CCDC158: variants seen among roughly 807,000 people sequenced by gnomAD.
CCDC158 encodes coiled-coil domain containing 158, also known as coiled-coil domain-containing protein 158.
In CCDC158, 116 loss-of-function variants were observed where a neutral mutation model predicts 138.6. The observed-to-expected ratio is 0.84, with a 90% CI of 0.72 to 0.98. The LOEUF is 0.98. Among genes scored for constraint, CCDC158 ranks in the 50% least tolerant of loss-of-function variants. The pLI is 0.00. For synonymous variants in CCDC158, 436 were observed against 442.4 expected, an observed-to-expected ratio of 0.99 and a Z score of 0.18; for missense variants, 1,265 against 1,306.1, an observed-to-expected ratio of 0.97 and a Z score of 0.48.
rs577584413 is a variant in CCDC158 at position 76,401,404 on chromosome 4, G to A, written c.70+1734C>T. On this transcript the variant is annotated intron_variant, in intron 3 of 24. Coordinates refer to ENST00000682701, the MANE Select transcript of CCDC158 (RefSeq NM_001394954.1). ...GGAAGCAGAGTGGCTATGGTAGGCA[G>A]ACTAAGTCAATTTTCTGGAAAAAGA... 2.9e-4 allele frequency: 137 copies of A among 478,086 alleles called. 2 individuals are homozygous for A. In the East Asian group the frequency reaches 6.3e-3, roughly 22 times the overall value. The allele number at this position is 478,086 out of a possible 1,614,324, so 29.6% of individuals were successfully genotyped here. A position where few individuals can be genotyped will look rare whatever the true frequency, so the allele number is the denominator to read the frequency against.
chr4:76,390,839 T>C (rs75503121), intron 4 of CCDC158, among the ~76,000 whole-genome samples: 2 of 152,046 alleles, frequency 1.3e-5, no homozygotes, highest in Non-Finnish European at 2.9e-5. Flanking sequence ...GCTATACTTA[T>C]ATCAGACAAA....
chr4:76,359,844 T>G (rs574468433), intron 13 of CCDC158, among the ~76,000 whole-genome samples: 15 of 152,350 alleles, frequency 9.8e-5, no homozygotes, highest in African/African-American at 2.6e-4. Flanking sequence ...AAATCCATTT[T>G]CTAGGGAGAA....
At chr4:76,325,116 T>C (rs1249466575) in intron 23 of CCDC158, among the ~76,000 whole-genome samples, 4 of 152,086 alleles carry the variant, frequency 2.6e-5, no homozygotes, top group Non-Finnish European at 5.9e-5. Context: ...ACATAAGAGA[T>C]GAAAGAGGAC....
intron 15 of CCDC158, among the ~76,000 whole-genome samples, chr4:76,354,659 C>A (rs951425028): frequency 2.0e-5 from 3 of 152,114 alleles, no homozygotes; most frequent in African/African-American, 7.2e-5. Flanking sequence ...AACACAGCAG[C>A]ATAGGAATAC....
chr4:76,394,508 A>C (rs1038141952), intron 4 of CCDC158, among the ~76,000 whole-genome samples: 3 of 151,890 alleles, frequency 2.0e-5, no homozygotes, highest in Non-Finnish European at 2.9e-5. Flanking sequence ...GTGAAGGAGA[A>C]GTGGGGATGG....
At chr4:76,406,376 G>A (rs979793582) in intron 2 of CCDC158, among the ~76,000 whole-genome samples, 2 of 152,142 alleles carry the variant, frequency 1.3e-5, no homozygotes, top group African/African-American at 2.4e-5. Context: ...AGTAATAATG[G>A]GAGGCTTTAA....
At chr4:76,380,897 G>T (rs1468951695) in intron 8 of CCDC158, among the ~76,000 whole-genome samples, 1 of 152,232 alleles carries the variant, frequency 6.6e-6, no homozygotes, top group Non-Finnish European at 1.5e-5. Flanking sequence ...CTCCAGCCAT[G>T]GCTAAAATGG....
Position 76,415,455 on chromosome 4 carries a change from C to T in CCDC158, c.-116-3323G>A, listed in dbSNP as rs181687918. ...GAAATTTGCATAAGTAGCAAGGAGT[C>T]TGTGGGCGGCAAGCCATCCAGGTGC... On this transcript the variant is annotated intron_variant, in intron 1 of 24. Transcript: ENST00000682701. Among the ~76,000 whole-genome samples, 35 of 152,142 alleles carry T rather than the reference C, an allele frequency of 2.3e-4. 1 individual carries two copies. The East Asian group carries it at 5.6e-3, about 24-fold the overall frequency.
At chr4:76,377,183 C>A (rs1203976121) in intron 9 of CCDC158, among the ~76,000 whole-genome samples, 1 of 152,096 alleles carries the variant, frequency 6.6e-6, no homozygotes, top group African/African-American at 2.4e-5. Flanking sequence ...TGCAAATTAG[C>A]AAACAATGGG....
rs1350585823 is a variant in CCDC158 at position 76,367,646 on chromosome 4, C to A, written c.1478G>T (p.Ser493Ile). 1 of 1,614,220 alleles carries A rather than the reference C, an allele frequency of 6.2e-7. No individual in the cohort carries two copies. The highest frequency in any genetic ancestry group is 1.1e-5 in the South Asian group (1 of 91,088). The stretch of plus-strand genomic sequence containing the variant: ...CAGGTCCGATATTGTCCTCTCTGAG[C>A]TCTCCAGAGTCATTTTCTTGGCTGT... ...ELTAKKMTLESSERTISDLTT... is the reference protein window; with the variant it reads ...ELTAKKMTLEISERTISDLTT... Residue 493 changes from serine (S) to isoleucine (I), a missense_variant, in exon 12 of 25, where the codon AGC (serine) becomes ATC (isoleucine). Coordinates refer to ENST00000682701, the MANE Select transcript of CCDC158 (RefSeq NM_001394954.1).
intron 24 of CCDC158, among the ~76,000 whole-genome samples, chr4:76,320,624 C>T (rs1719907338): frequency 6.6e-6 from 1 of 152,104 alleles, no homozygotes; most frequent in Non-Finnish European, 1.5e-5. Flanking sequence ...ATAGAGAACC[C>T]AGGAAGAAAG....
At chr4:76,344,843 T>C in intron 18 of CCDC158, 1 of 1,593,172 alleles carries the variant, frequency 6.3e-7, no homozygotes, top group Admixed American at 1.7e-5. Context: ...GTGAAGGGTC[T>C]ATGACCAAAG....
chr4:76,409,756 G>A (rs907957519), intron 2 of CCDC158, among the ~76,000 whole-genome samples: 5 of 152,068 alleles, frequency 3.3e-5, no homozygotes, highest in South Asian at 4.1e-4. Flanking sequence ...GCGTGAACCC[G>A]GGAGGTGGAG....
chr4:76,386,424 T>C (rs754868649), intron 4 of CCDC158, among the ~76,000 whole-genome samples: 5 of 116,700 alleles, frequency 4.3e-5, no homozygotes, highest in Non-Finnish European at 9.3e-5. Flanking sequence ...CCCATTTACA[T>C]AGGGCATACC....
At position 76,382,621 on chromosome 4, in the gene CCDC158, C is replaced by T. The variant is rs781604002; in HGVS notation, c.903G>A (p.Met301Ile). 6.2e-7 allele frequency: 1 copy of T among 1,603,978 alleles called. No individual in the cohort carries two copies. Among genetic ancestry groups the T allele is most frequent in the Non-Finnish European group, 8.5e-7 (1 of 1,171,488 alleles). ...TTCAAACCACATACTGAATGATTTC[C>T]ATTTGACTCTGGATACTATTGGCTT... ...RSQANSIQSQ[M>I]EIIQEQARNQ... The change falls in exon 8 of 25, where the codon ATG becomes ATA. Residue 301 changes from methionine to isoleucine, a missense_variant. Coordinates refer to ENST00000682701, the MANE Select transcript of CCDC158 (RefSeq NM_001394954.1).
At chr4:76,319,428 G>C (rs549734862) in intron 24 of CCDC158, among the ~76,000 whole-genome samples, 1 of 40,822 alleles carries the variant, frequency 2.4e-5, no homozygotes, top group Non-Finnish European at 4.2e-5. Flanking sequence ...GCAAGACTCC[G>C]TATCAAAAAA....
chr4:76,366,082 C>G (rs375984991), intron 12 of CCDC158, among the ~76,000 whole-genome samples: 187 of 152,210 alleles, frequency 1.2e-3, no homozygotes, highest in African/African-American at 4.4e-3. Flanking sequence ...TGTTTAGAAC[C>G]TTAACACACT....
chr4:76,384,044 G>T, intron 6 of CCDC158, 44 bp downstream of exon 6: 1 of 1,285,220 alleles, frequency 7.8e-7, no homozygotes, highest in Non-Finnish European at 1.1e-6. Flanking sequence ...TTCTCTTAAT[G>T]CATTTTAATA....
intron 18 of CCDC158, among the ~76,000 whole-genome samples, chr4:76,343,862 G>GA (rs1350006277): frequency 1.1e-4 from 17 of 152,048 alleles, no homozygotes; most frequent in African/African-American, 3.9e-4. Context: ...TGAAAGAACG[G>GA]AAAGCTACAT....
Sources: gnomAD v4.1 joint callset for allele counts (sites outside exome capture counted in the v4.1 genomes callset) on GRCh38, gnomAD v4.1.1 for gene constraint, MANE v1.5 for transcripts, NCBI Gene and HGNC (gene_info 2026-07-23, HGNC 2026-07-21) for gene names.